Variants in OSBPL10 observed in about 807,000 individuals in gnomAD.
OSBPL10 encodes oxysterol binding protein like 10.
Under a neutral mutation model 81.7 loss-of-function variants are expected in OSBPL10, and 49 were observed. The observed-to-expected ratio is 0.60, with a 90% CI of 0.48 to 0.76. OSBPL10 has a LOEUF of 0.76. Ranked by LOEUF, OSBPL10 falls within the 30% of genes least tolerant of loss-of-function variation. The probability of loss-of-function intolerance (pLI) is 0.00; values close to 1 mark genes in which losing one functional copy is unlikely to be tolerated. For missense variants in OSBPL10, 923 were observed against 987.8 expected (o/e 0.93, Z 0.88); for synonymous variants, 419 against 383.6 (o/e 1.09, Z -1.08).
chr3:31,705,332 C>A (rs1056508012), intron 6 of OSBPL10, among the ~76,000 whole-genome samples: 2 of 151,864 alleles, frequency 1.3e-5, no homozygotes, highest in Non-Finnish European at 2.9e-5. Flanking sequence ...CACTTTCAAT[C>A]CACCCACACT....
At chr3:31,756,247 C>T (rs545872504) in intron 4 of OSBPL10, among the ~76,000 whole-genome samples, 3 of 152,282 alleles carry the variant, frequency 2.0e-5, no homozygotes, top group South Asian at 2.1e-4. Context: ...TGGACTTCCT[C>T]GTATTTCTTT....
intron 4 of OSBPL10, among the ~76,000 whole-genome samples, chr3:31,801,985 G>A (rs376554994): frequency 2.0e-5 from 3 of 151,784 alleles, no homozygotes; most frequent in South Asian, 2.1e-4. Flanking sequence ...CACCATGCCC[G>A]GCTAATTTTG....
chr3:31,897,612 G>A (rs1696093786), intron 1 of OSBPL10, among the ~76,000 whole-genome samples: 2 of 152,008 alleles, frequency 1.3e-5, no homozygotes. Flanking sequence ...TAAAATCAAA[G>A]AAAGAAAAAT....
intron 1 of OSBPL10, among the ~76,000 whole-genome samples, chr3:31,904,740 C>G (rs1696353220): frequency 6.6e-6 from 1 of 152,184 alleles, no homozygotes; most frequent in Non-Finnish European, 1.5e-5. Flanking sequence ...CTCTGACTCT[C>G]CACAGACTCA....
chr3:31,704,638 A>C (rs1696002239), intron 6 of OSBPL10: 1 of 152,102 alleles, frequency 6.6e-6, no homozygotes, highest in Admixed American at 6.6e-5. Context: ...CTGCATACTA[A>C]ATCAATTGCT....
chr3:31,910,535 CT>C (rs1262668781), intron 1 of OSBPL10, among the ~76,000 whole-genome samples: 1 of 151,850 alleles, frequency 6.6e-6, no homozygotes, highest in Non-Finnish European at 1.5e-5. Flanking sequence ...ACTTGGGAGC[CT>C]GAGGTGGAAG....
At chr3:31,827,843 TTC>T (rs1399793752) in intron 4 of OSBPL10, among the ~76,000 whole-genome samples, 1 of 152,204 alleles carries the variant, frequency 6.6e-6, no homozygotes, top group Non-Finnish European at 1.5e-5. Flanking sequence ...TAAATAAAAC[TTC>T]TTTGTACACC....
At chr3:31,800,892 G>A (rs531007880) in intron 4 of OSBPL10, among the ~76,000 whole-genome samples, 3 of 152,272 alleles carry the variant, frequency 2.0e-5, no homozygotes, top group African/African-American at 7.2e-5. Flanking sequence ...TCTGAAGTAA[G>A]CCTAAAATAG....
intron 4 of OSBPL10, among the ~76,000 whole-genome samples, chr3:31,787,887 G>T (rs1698898958): frequency 6.6e-6 from 1 of 152,026 alleles, no homozygotes; most frequent in African/African-American, 2.4e-5. Context: ...AAATTATAAG[G>T]AATTTGGTAT....
intron 6 of OSBPL10, among the ~76,000 whole-genome samples, chr3:31,711,886 A>G (rs56960632): frequency 6.6e-6 from 1 of 152,204 alleles, no homozygotes; most frequent in Non-Finnish European, 1.5e-5. Context: ...TGTCATCAAA[A>G]ATAGAAAAAT....
At chr3:31,671,898 C>A (rs1394816149) in intron 8 of OSBPL10, among the ~76,000 whole-genome samples, 1 of 152,182 alleles carries the variant, frequency 6.6e-6, no homozygotes, top group Non-Finnish European at 1.5e-5. Flanking sequence ...AGCACTACAG[C>A]TCTCTTAAGA....
chr3:31,693,240 C>A (rs893473395), intron 7 of OSBPL10, among the ~76,000 whole-genome samples: 5 of 152,092 alleles, frequency 3.3e-5, no homozygotes, highest in Non-Finnish European at 5.9e-5. Context: ...TGACCCTTTT[C>A]ATTAAAATTT....
intron 4 of OSBPL10, among the ~76,000 whole-genome samples, chr3:31,799,541 T>C (rs898256299): frequency 9.2e-5 from 14 of 152,122 alleles, no homozygotes; most frequent in African/African-American, 3.1e-4. Flanking sequence ...TGTAAAATAA[T>C]TATTGTAATA....
intron 1 of OSBPL10, among the ~76,000 whole-genome samples, chr3:32,048,310 ATTTTTT>A (rs71068027): frequency 3.0e-5 from 4 of 134,570 alleles, no homozygotes; most frequent in East Asian, 2.2e-4. Flanking sequence ...CACTACTACT[ATTTTTT>A]TTTTTTTTTT....
intron 7 of OSBPL10, among the ~76,000 whole-genome samples, chr3:31,688,379 A>G (rs796075423): frequency 3.3e-5 from 5 of 151,696 alleles, no homozygotes; most frequent in African/African-American, 1.2e-4. Context: ...TCATCAGCTC[A>G]AGTAGCTCCC....
chr3:32,011,247 C>T (rs958489875), intron 2 of OSBPL10, among the ~76,000 whole-genome samples: 1 of 152,170 alleles, frequency 6.6e-6, no homozygotes, highest in African/African-American at 2.4e-5. Context: ...ACAAAACTTC[C>T]AGAGGAACAA....
intron 1 of OSBPL10, among the ~76,000 whole-genome samples, chr3:31,968,692 T>C (rs543887243): frequency 6.6e-6 from 1 of 152,362 alleles, no homozygotes; most frequent in Admixed American, 6.5e-5. Flanking sequence ...TAAGACCATC[T>C]TCCTGAATTT....
chr3:31,748,268 A>T, intron 4 of OSBPL10, 148 bp from the exon 5 acceptor site: 2 of 729,322 alleles, frequency 2.7e-6, no homozygotes, highest in East Asian at 5.4e-5. Context: ...ATAAATACTC[A>T]ATCCTGGGTG....
intron 4 of OSBPL10, among the ~76,000 whole-genome samples, chr3:31,786,505 G>A (rs1698862055): frequency 6.6e-6 from 1 of 152,084 alleles, no homozygotes. Context: ...TCTGGTGAGG[G>A]CCCATTTCTC....
Sources: gnomAD v4.1 joint callset for allele counts (sites outside exome capture counted in the v4.1 genomes callset) on GRCh38, gnomAD v4.1.1 for gene constraint, MANE v1.5 for transcripts, NCBI Gene and HGNC (gene_info 2026-07-23, HGNC 2026-07-21) for gene names.